The following PSMB2 variants were observed in gnomAD, a reference collection of about 807,000 sequenced individuals.
The protein encoded by PSMB2 is proteasome 20S subunit beta 2, also known as proteasome subunit beta type-2.
A neutral mutation model predicts 25.7 loss-of-function variants in PSMB2; 13 were observed. The ratio of observed to expected loss-of-function variants is 0.51; its 90% CI spans 0.33 to 0.80. PSMB2 has a LOEUF of 0.80. PSMB2 is among the 30% of genes least tolerant of loss of function. The pLI is 0.02. For synonymous variants in PSMB2, 87 were observed against 96.2 expected (o/e 0.90, Z 0.56); for missense variants, 202 against 259.0 (o/e 0.78, Z 1.51).
rs887793810 is a variant in PSMB2 at position 35,605,298 on chromosome 1, G to A, written c.449-16C>T. 9 of 1,610,834 alleles carry A rather than the reference G, an allele frequency of 5.6e-6. No homozygotes were observed. Among genetic ancestry groups the A allele is most frequent in the Non-Finnish European group, 7.6e-6 (9 of 1,178,022 alleles). ...CGTGAGATAGCTGAAAGAGAACACA[G>A]AGACCAAATACTTCCGGTGCTGTCA... On this transcript the variant is annotated splice_polypyrimidine_tract_variant and intron_variant, in intron 4 of 5. Transcript: ENST00000373237.
intron 4 of PSMB2, among the ~76,000 whole-genome samples, chr1:35,607,971 T>C (rs1435040920): frequency 6.6e-6 from 1 of 152,236 alleles, no homozygotes; most frequent in Non-Finnish European, 1.5e-5. Flanking sequence ...CTCACTCATA[T>C]GTAGAAGCTA....
Position 35,609,304 on chromosome 1 carries a change from T to C in PSMB2, c.390A>G (p.Ala130=). The change falls in exon 4 of 6, where the codon GCA becomes GCG. Residue 130 remains alanine (A), a synonymous_variant. Coordinates refer to ENST00000373237, the MANE Select transcript of PSMB2 (RefSeq NM_002794.5). ...TCAGGAAGGCACCATAGCCGTGGGC[T>C]GCAAAAGGGGCCTTGGCCAAGGCTG... ...YLAALAKAPF[A]AHGYGAFLTL... 1 of 1,613,458 alleles carries C rather than the reference T, an allele frequency of 6.2e-7. No individual in the cohort carries two copies. Among genetic ancestry groups the C allele is most frequent in the Non-Finnish European group, 8.5e-7 (1 of 1,179,686 alleles).
chr1:35,640,760 C>T (rs953797829), intron 1 of PSMB2, among the ~76,000 whole-genome samples: 1 of 150,678 alleles, frequency 6.6e-6, no homozygotes, highest in Admixed American at 6.6e-5. Context: ...ATCAGAGATT[C>T]GGGGATCTAG....
At chr1:35,607,180 TAAAC>T (rs1338250791) in intron 4 of PSMB2, among the ~76,000 whole-genome samples, 3 of 151,822 alleles carry the variant, frequency 2.0e-5, no homozygotes, top group African/African-American at 7.3e-5. Flanking sequence ...AAAGCAAAAA[TAAAC>T]AAACAGGATT....
chr1:35,613,135 T>C (rs1557449637), intron 3 of PSMB2, among the ~76,000 whole-genome samples: 1 of 152,264 alleles, frequency 6.6e-6, no homozygotes, highest in African/African-American at 2.4e-5. Flanking sequence ...AACTTTTGCA[T>C]GTGTGAGATG....
chr1:35,617,911 A>G (rs1571129188), intron 3 of PSMB2, among the ~76,000 whole-genome samples: 1 of 152,208 alleles, frequency 6.6e-6, no homozygotes, highest in East Asian at 1.9e-4. Flanking sequence ...GCCTTTTTTC[A>G]TGACATAGCA....
chr1:35,614,751 T>C (rs190983741), intron 3 of PSMB2, among the ~76,000 whole-genome samples: 1 of 152,328 alleles, frequency 6.6e-6, no homozygotes, highest in African/African-American at 2.4e-5. Flanking sequence ...TTGTGTCTAA[T>C]TGATATACAA....
At chr1:35,609,063 T>G (rs1020954383) in intron 4 of PSMB2, among the ~76,000 whole-genome samples, 183 bp downstream of exon 4, 2 of 152,212 alleles carry the variant, frequency 1.3e-5, no homozygotes, top group African/African-American at 4.8e-5. Flanking sequence ...AGAACTTACA[T>G]CAGCTTTTGG....
At chr1:35,632,690 T>C (rs1253411016) in intron 2 of PSMB2, among the ~76,000 whole-genome samples, 1 of 151,874 alleles carries the variant, frequency 6.6e-6, no homozygotes, top group Non-Finnish European at 1.5e-5. Context: ...GCCCAGGAGT[T>C]TAAGACCATT....
intron 4 of PSMB2, among the ~76,000 whole-genome samples, chr1:35,608,630 T>C (rs1650240879): frequency 6.6e-6 from 1 of 152,108 alleles, no homozygotes. Flanking sequence ...AAAATAAAAT[T>C]TTAAAAAAGC....
At position 35,641,492 on chromosome 1, in the gene PSMB2, T is replaced by C; in HGVS notation, c.-60A>G. 1 of 1,609,860 alleles carries C rather than the reference T, an allele frequency of 6.2e-7. No homozygotes were observed. Among genetic ancestry groups the C allele is most frequent in the Non-Finnish European group, 8.5e-7 (1 of 1,177,786 alleles). On this transcript the variant is annotated 5_prime_UTR_variant, in exon 1 of 6. Coordinates refer to ENST00000373237, the MANE Select transcript of PSMB2 (RefSeq NM_002794.5). ...AGCACGAGACTCGCCCGCTTCCAGG[T>C]CTCACCGGTGAGACAGCACCTCAGA...
intron 1 of PSMB2, among the ~76,000 whole-genome samples, chr1:35,638,985 G>A (rs1348358792): frequency 1.3e-5 from 2 of 152,206 alleles, no homozygotes; most frequent in African/African-American, 4.8e-5. Flanking sequence ...TGGGCACGGT[G>A]GCTCACGCCT....
At chr1:35,617,745 G>T (rs530822244) in intron 3 of PSMB2, among the ~76,000 whole-genome samples, 90 of 152,286 alleles carry the variant, frequency 5.9e-4, no homozygotes, top group African/African-American at 2.1e-3. Context: ...GTGAACATGG[G>T]ACACATACAC....
Position 35,602,466 on chromosome 1 carries a change from A to G in PSMB2, c.*801T>C, listed in dbSNP as rs995765482. On this transcript the variant is annotated 3_prime_UTR_variant, in exon 6 of 6. Coordinates refer to ENST00000373237, the MANE Select transcript of PSMB2 (RefSeq NM_002794.5). ...GTTTCCTCCAGGAAGGGAAGCAGGAAGCAGATGACTGGATTATAGGGATGG... is the reference window on the plus strand; with the variant it reads ...GTTTCCTCCAGGAAGGGAAGCAGGAGGCAGATGACTGGATTATAGGGATGG... 1 of 152,272 alleles carries G rather than the reference A, an allele frequency of 6.6e-6. No individual in the cohort carries two copies. Among genetic ancestry groups the G allele is most frequent in the African/African-American group, 2.4e-5 (1 of 41,466 alleles). 9.4% of individuals were successfully genotyped at this position (152,272 alleles called of 1,614,324 possible). A position where few individuals can be genotyped will look rare whatever the true frequency, so the allele number is the denominator to read the frequency against.
In PSMB2 at chr1:35,601,396, G is replaced by C; in HGVS notation, c.*1871C>G. 1.0e-6 allele frequency: 1 copy of C among 985,200 alleles called. No individual in the cohort carries two copies. The allele number at this position is 985,200 out of a possible 1,614,324, so 61.0% of individuals were successfully genotyped here. ...GCCAACCTGTGGCACTTTTAAAATA[G>C]ATGCCTTACACTCAGGAATCTAGCT... On this transcript the variant is annotated 3_prime_UTR_variant, in exon 6 of 6. Coordinates refer to ENST00000373237, the MANE Select transcript of PSMB2 (RefSeq NM_002794.5).
chr1:35,631,326 G>C lies in PSMB2; in HGVS notation c.233C>G (p.Thr78Arg), dbSNP rs756503983. The change falls in exon 3 of 6, where the codon ACG becomes AGG. Residue 78 changes from threonine to arginine, a missense_variant. Physicochemically the swap from Thr to Arg is moderately conservative, Grantham distance 71 (BLOSUM62 -1). Transcript: ENST00000373237. ...KMRNGYELSP[T>R]AAANFTRRNL... Reference sequence around the variant, plus strand: ...TCGGCGTGTGAAGTTAGCTGCTGCCGTGGGAGACAATTCATATCCTGGTAG... The same window carrying C: ...TCGGCGTGTGAAGTTAGCTGCTGCCCTGGGAGACAATTCATATCCTGGTAG... The C allele has an allele frequency of 6.2e-7, 1 of 1,614,124 alleles. No individual in the cohort carries two copies. Among genetic ancestry groups the C allele is most frequent in the Non-Finnish European group, 8.5e-7 (1 of 1,179,980 alleles).
intron 1 of PSMB2, among the ~76,000 whole-genome samples, chr1:35,640,596 T>C (rs933153927): frequency 6.6e-6 from 1 of 152,036 alleles, no homozygotes; most frequent in Non-Finnish European, 1.5e-5. Context: ...TCCCACCTTA[T>C]GCCGCCAACA....
rs1043112258 is a variant in PSMB2 at position 35,602,953 on chromosome 1, A to G, written c.*314T>C. On this transcript the variant is annotated 3_prime_UTR_variant, in exon 6 of 6. Transcript: ENST00000373237. ...ATGGAGATACTAGCAAGTAAAATAT[A>G]TGAAAGAGCTAGTTGGAAAGGAAGC... The G allele has an allele frequency of 4.7e-6, 5 of 1,057,386 alleles. No individual in the cohort carries two copies. In the African/African-American group the frequency reaches 8.4e-5, roughly 18 times the overall value. The allele number at this position is 1,057,386 out of a possible 1,614,324, so 65.5% of individuals were successfully genotyped here.
intron 1 of PSMB2, among the ~76,000 whole-genome samples, chr1:35,637,274 T>C (rs907748561): frequency 1.3e-5 from 2 of 152,186 alleles, no homozygotes; most frequent in Non-Finnish European, 2.9e-5. Context: ...TTAATCACTT[T>C]AAAAAGTAAA....
Sources: gnomAD v4.1 joint callset for allele counts (sites outside exome capture counted in the v4.1 genomes callset) on GRCh38, gnomAD v4.1.1 for gene constraint, MANE v1.5 for transcripts, NCBI Gene and HGNC (gene_info 2026-07-23, HGNC 2026-07-21) for gene names.